Variants in SUPT6H observed in about 807,000 individuals in gnomAD.
SUPT6H encodes SPT6 homolog, histone chaperone and transcription elongation factor.
In SUPT6H, 11 loss-of-function variants were observed where a neutral mutation model predicts 222.3. The ratio of observed to expected loss-of-function variants is 0.05; its 90% CI spans 0.03 to 0.08. The LOEUF is 0.08. SUPT6H is among the 10% of genes least tolerant of loss of function. The probability of loss-of-function intolerance (pLI) is 1.00; values close to 1 mark genes in which losing one functional copy is unlikely to be tolerated. For synonymous variants in SUPT6H, 762 were observed against 801.2 expected (o/e 0.95, Z 0.83); for missense variants, 1,422 against 2,216.0 (o/e 0.64, Z 7.19).
At position 28,683,085 on chromosome 17, in the gene SUPT6H, G is replaced by A. The variant is rs1389030373; in HGVS notation, c.1871G>A (p.Gly624Asp). The change falls in exon 15 of 37, where the codon GGT (glycine) becomes GAT (aspartate). Residue 624 changes from glycine to aspartate, a missense_variant. By Grantham distance (94) the Gly-to-Asp change is moderately conservative. This residue lies in a region of SUPT6H where 121 missense variants were observed against 158.0 expected (regional missense o/e 0.77). Coordinates refer to ENST00000314616, the MANE Select transcript of SUPT6H (RefSeq NM_003170.5). The part of the protein sequence containing the change: ...AKLNITPTKK[G>D]RKDVDEAHYA... The stretch of plus-strand genomic sequence containing the variant: ...TTAAATATAACCCCCACCAAGAAAG[G>A]TAGAAAGGTGAGCTGGGTGAAGGGC... The A allele has an allele frequency of 6.3e-7, 1 of 1,598,674 alleles. No individual in the cohort carries two copies. The highest frequency in any genetic ancestry group is 2.2e-5 in the East Asian group (1 of 44,770).
intron 9 of SUPT6H, 118 bp from the exon 10 acceptor site, chr17:28,678,427 A>G (rs1369428789): frequency 9.4e-7 from 1 of 1,063,240 alleles, no homozygotes; most frequent in Non-Finnish European, 1.4e-6. Flanking sequence ...GAGGGAGGCC[A>G]GGCTTCTGAC....
At position 28,687,389 on chromosome 17, in the gene SUPT6H, G is replaced by A. The variant is rs372367626; in HGVS notation, c.2924G>A (p.Arg975His). The change falls in exon 23 of 37, where the codon CGT (arginine) becomes CAT (histidine). Residue 975 changes from arginine (R) to histidine (H), a missense_variant. Physicochemically the swap from Arg to His is conservative, Grantham distance 29. This residue lies in a region of SUPT6H where 294 missense variants were observed against 382.1 expected (regional missense o/e 0.77). Transcript: ENST00000314616. ...AATGAGGTCGGGGTCGATGTCAACC[G>A]TGCCATTGCCCACCCTTACAGCCAG... Reference protein sequence around the residue: ...RVNEVGVDVNRAIAHPYSQAL... With the variant: ...RVNEVGVDVNHAIAHPYSQAL... 2.2e-5 allele frequency: 36 copies of A among 1,614,036 alleles called. No homozygotes were observed. The highest frequency in any genetic ancestry group is 1.6e-4 in the Middle Eastern group (1 of 6,082).
chr17:28,696,797 C>T lies in SUPT6H; in HGVS notation c.3971-47C>T, dbSNP rs1361517442. The T allele has an allele frequency of 4.5e-6, 7 of 1,561,212 alleles. No individual in the cohort carries two copies. In the Middle Eastern group the frequency reaches 1.2e-3, roughly 262 times the overall value. On this transcript the variant is annotated intron_variant, in intron 29 of 36. Coordinates refer to ENST00000314616, the MANE Select transcript of SUPT6H (RefSeq NM_003170.5). Reference sequence around the variant, plus strand: ...GCCTGGTTTGTCCTGTTGCTGCCAGCTCCTAGCCCCATCACCCAGTCTGTA... The same window carrying T: ...GCCTGGTTTGTCCTGTTGCTGCCAGTTCCTAGCCCCATCACCCAGTCTGTA...
In SUPT6H at chr17:28,697,643, T is replaced by A. The variant is rs1362863688; in HGVS notation, c.4233T>A (p.Ile1411=). 6.2e-7 allele frequency: 1 copy of A among 1,614,164 alleles called. No homozygotes were observed. The highest frequency in any genetic ancestry group is 8.5e-7 in the Non-Finnish European group (1 of 1,180,028). The stretch of plus-strand genomic sequence containing the variant: ...AGGAATTCGAAGATTTGGATGAGAT[T>A]GTTGCTCGCTATGTCCAGCCCATGG... The part of the protein sequence containing the change: ...NSEEFEDLDE[I]VARYVQPMAS... Residue 1411 remains isoleucine, a synonymous_variant, in exon 31 of 37, where the codon ATT becomes ATA. Transcript: ENST00000314616.
chr17:28,663,610 A>G (rs1226432368), intron 1 of SUPT6H, among the ~76,000 whole-genome samples: 2 of 151,970 alleles, frequency 1.3e-5, no homozygotes, highest in South Asian at 2.1e-4. Context: ...CTTCCTGTCC[A>G]CTATTTCCCA....
At chr17:28,673,224 C>G (rs1427677956) in intron 1 of SUPT6H, 147 bp from the exon 2 acceptor site, 1 of 555,980 alleles carries the variant, frequency 1.8e-6, no homozygotes, top group East Asian at 3.0e-5. Context: ...TTGGAACCAT[C>G]AGATTCTTCT....
Position 28,681,868 on chromosome 17 carries a change from T to A in SUPT6H, c.1499-14T>A. 1 of 1,600,274 alleles carries A rather than the reference T, an allele frequency of 6.2e-7. No homozygotes were observed. Among genetic ancestry groups the A allele is most frequent in the Non-Finnish European group, 8.5e-7 (1 of 1,174,560 alleles). ...GAAACTAGAACCCTAAATCTCCCCATGTTTTCTTCCCAGGTGAAGGTGACG... is the reference window on the plus strand; with the variant it reads ...GAAACTAGAACCCTAAATCTCCCCAAGTTTTCTTCCCAGGTGAAGGTGACG... On this transcript the variant is annotated splice_polypyrimidine_tract_variant and intron_variant, in intron 12 of 36. Coordinates refer to ENST00000314616, the MANE Select transcript of SUPT6H (RefSeq NM_003170.5).
At chr17:28,683,137 T>C (rs533929431) in intron 15 of SUPT6H, 45 bp downstream of exon 15, 1 of 1,563,302 alleles carries the variant, frequency 6.4e-7, no homozygotes, top group Non-Finnish European at 8.6e-7. Flanking sequence ...CACCAGCTCT[T>C]TCTTTGATTG....
chr17:28,671,209 G>T (rs771352799), intron 1 of SUPT6H: 1 of 152,156 alleles, frequency 6.6e-6, no homozygotes, highest in Non-Finnish European at 1.5e-5. Context: ...CTTTAACTGG[G>T]AAGATGGCAG....
intron 16 of SUPT6H, 89 bp downstream of exon 16, chr17:28,683,511 C>G (rs1362295615): frequency 6.3e-7 from 1 of 1,586,740 alleles, no homozygotes; most frequent in East Asian, 2.2e-5. Flanking sequence ...TGGGGAACCA[C>G]AATTTCAGAG....
intron 13 of SUPT6H, 35 bp downstream of exon 13, chr17:28,682,015 A>T: frequency 6.5e-7 from 1 of 1,549,946 alleles, no homozygotes; most frequent in East Asian, 2.3e-5. Flanking sequence ...TAGGCATTCT[A>T]GCCTGAGCAA....
At position 28,673,478 on chromosome 17, in the gene SUPT6H, T is replaced by C. The variant is rs770843147; in HGVS notation, c.77T>C (p.Val26Ala). Reference sequence around the variant, plus strand: ...GATGAAGGCGAGGTGGTACCCCGAGTCACCAAGAAATTTGTGGAAGAGGAG... The same window carrying C: ...GATGAAGGCGAGGTGGTACCCCGAGCCACCAAGAAATTTGTGGAAGAGGAG... ...YNDEGEVVPR[V>A]TKKFVEEEDD... Residue 26 changes from valine to alanine, a missense_variant, in exon 2 of 37, where the codon GTC becomes GCC. By Grantham distance (64) the Val-to-Ala change is moderately conservative. Coordinates refer to ENST00000314616, the MANE Select transcript of SUPT6H (RefSeq NM_003170.5). The C allele has an allele frequency of 1.2e-6, 2 of 1,613,564 alleles. No individual in the cohort carries two copies. The highest frequency in any genetic ancestry group is 4.5e-5 in the East Asian group (2 of 44,882).
chr17:28,663,149 G>A (rs1472408387), intron 1 of SUPT6H, among the ~76,000 whole-genome samples: 1 of 152,144 alleles, frequency 6.6e-6, no homozygotes, highest in African/African-American at 2.4e-5. Flanking sequence ...TGAGCATTAG[G>A]GAGTGTAAAC....
At chr17:28,698,572 C>G (rs929436932) in intron 32 of SUPT6H, among the ~76,000 whole-genome samples, 7 of 152,260 alleles carry the variant, frequency 4.6e-5, no homozygotes. Flanking sequence ...AGCGCTTACC[C>G]TGAACCTAGA....
At chr17:28,670,440 ATAT>A (rs1158595048) in intron 1 of SUPT6H, 1 of 152,116 alleles carries the variant, frequency 6.6e-6, no homozygotes, top group African/African-American at 2.4e-5. Context: ...AGAGAGACCC[ATAT>A]TATTTTGATT....
chr17:28,695,653 G>C, intron 29 of SUPT6H, 106 bp downstream of exon 29: 1 of 1,335,652 alleles, frequency 7.5e-7, no homozygotes. Flanking sequence ...AGTGGAAGTG[G>C]GGACTCAGCT....
intron 29 of SUPT6H, 141 bp downstream of exon 29, chr17:28,695,688 T>G: frequency 9.9e-7 from 1 of 1,011,964 alleles, no homozygotes; most frequent in Non-Finnish European, 1.4e-6. Context: ...CCTGGAGATG[T>G]CATGAAAAAG....
Position 28,691,203 on chromosome 17 carries a change from C to G in SUPT6H, c.3633+140C>G, listed in dbSNP as rs2031626605. 3 of 1,187,954 alleles carry G rather than the reference C, an allele frequency of 2.5e-6. No homozygotes were observed. In the East Asian group the frequency reaches 7.8e-5, roughly 31 times the overall value. The allele number at this position is 1,187,954 out of a possible 1,614,324, so 73.6% of individuals were successfully genotyped here. ...ACAAAGAAGGAAGACGGACGGGAAA[C>G]ACACAGGTTTAGCATGAAGTCCCTT... On this transcript the variant is annotated intron_variant, in intron 27 of 36. Coordinates refer to ENST00000314616, the MANE Select transcript of SUPT6H (RefSeq NM_003170.5).
intron 1 of SUPT6H, among the ~76,000 whole-genome samples, chr17:28,666,988 T>G (rs562563969): frequency 2.6e-5 from 4 of 152,284 alleles, no homozygotes; most frequent in Admixed American, 1.3e-4. Context: ...AGGACTTAAG[T>G]AGACTCTAAA....
Sources: allele counts gnomAD v4.1 joint callset (sites outside exome capture counted in the v4.1 genomes callset), GRCh38; gene constraint gnomAD v4.1.1; regional missense constraint gnomAD v4.1.1; transcripts MANE v1.5; gene names NCBI Gene and HGNC (gene_info 2026-07-23, HGNC 2026-07-21).